The following DLGAP4 variants were observed in gnomAD, a reference collection of about 807,000 sequenced individuals.
DLGAP4 encodes the protein disks large-associated protein 4.
A neutral mutation model predicts 86.9 loss-of-function variants in DLGAP4; 18 were observed. The observed-to-expected ratio is 0.21, with a 90% CI of 0.14 to 0.31. The LOEUF (loss-of-function observed/expected upper bound fraction) is 0.31, where lower values mean the gene tolerates loss of function less well. DLGAP4 is among the 10% of genes least tolerant of loss of function. DLGAP4 has a pLI of 1.00. For synonymous variants in DLGAP4, 548 were observed against 574.3 expected (o/e 0.95, Z 0.65); for missense variants, 1,085 against 1,362.6 (o/e 0.80, Z 3.21).
chr20:36,306,982 A>T lies in DLGAP4; in HGVS notation c.-304+470A>T, dbSNP rs1246529967. Among the ~76,000 whole-genome samples, 1 of 152,076 alleles carries T rather than the reference A, an allele frequency of 6.6e-6. No individual in the cohort carries two copies. Among genetic ancestry groups the T allele is most frequent in the African/African-American group, 2.4e-5 (1 of 41,484 alleles). On this transcript the variant is annotated intron_variant, in intron 1 of 12. Coordinates refer to ENST00000339266, the MANE Select transcript of DLGAP4 (RefSeq NM_001365621.2). The surrounding 1 kb of genome is among the most constrained non-coding windows in gnomAD (Gnocchi z 4.9). The stretch of plus-strand genomic sequence containing the variant: ...CCTTGGCGCTTGGGAGAGCAGGGCT[A>T]TGCCGGCCCGGGCATTCCTCCATTC...
intron 7 of DLGAP4, among the ~76,000 whole-genome samples, chr20:36,494,984 GTTTTTTTTTTTTTT>G (rs752411826): frequency 5.3e-5 from 4 of 75,392 alleles, no homozygotes; most frequent in Admixed American, 2.1e-4. Context: ...TTTTTGTTCG[GTTTTTTTTTTTTTT>G]TTTTTTTTTT....
At chr20:36,457,273 C>T (rs1166873690) in intron 7 of DLGAP4, among the ~76,000 whole-genome samples, 2 of 151,674 alleles carry the variant, frequency 1.3e-5, no homozygotes, top group South Asian at 4.2e-4. Flanking sequence ...GGCTGGCGTG[C>T]AGTAGCGAGA....
intron 10 of DLGAP4, among the ~76,000 whole-genome samples, chr20:36,507,351 C>CTGAG (rs1182256667): frequency 6.6e-6 from 1 of 152,176 alleles, no homozygotes; most frequent in Non-Finnish European, 1.5e-5. Flanking sequence ...CCTCAGCCTC[C>CTGAG]TGAGTAGCTG....
intron 8 of DLGAP4, chr20:36,499,345 C>T (rs368601239): frequency 1.1e-5 from 17 of 1,608,878 alleles, no homozygotes; most frequent in Non-Finnish European, 1.4e-5. Flanking sequence ...GTCATCTCCA[C>T]CCCATCCCAC....
chr20:36,460,027 A>G (rs1368542568), intron 7 of DLGAP4, among the ~76,000 whole-genome samples: 1 of 152,238 alleles, frequency 6.6e-6, no homozygotes, highest in Non-Finnish European at 1.5e-5. Flanking sequence ...AGGGCTGGTG[A>G]GTCCCAGAGA....
At chr20:36,317,184 TTCCTTCCTTCCTTCCC>T (rs1358097550) in intron 1 of DLGAP4, among the ~76,000 whole-genome samples, 1 of 151,844 alleles carries the variant, frequency 6.6e-6, no homozygotes, top group South Asian at 2.1e-4. Context: ...TTCCTTTCTT[TTCCTTCCTTCCTTCCC>T]TCCTTCCTTC....
chr20:36,479,798 G>A (rs1028753477), intron 7 of DLGAP4, among the ~76,000 whole-genome samples: 1 of 152,140 alleles, frequency 6.6e-6, no homozygotes, highest in Non-Finnish European at 1.5e-5. Flanking sequence ...GGATGGTTGG[G>A]GGTGCTGGGC....
chr20:36,450,743 C>A lies in DLGAP4; in HGVS notation c.1648+3806C>A, dbSNP rs564264786. Among the ~76,000 whole-genome samples the A allele has an allele frequency of 3.3e-5, 5 of 152,284 alleles. No homozygotes were observed. In the East Asian group the frequency reaches 9.6e-4, roughly 29 times the overall value. On this transcript the variant is annotated intron_variant, in intron 7 of 12. Transcript: ENST00000339266. ...ACCCTACAGTCTAACCCTCCCCAAC[C>A]ACACAGCATACACTGGTGAAACAGG...
intron 4 of DLGAP4, among the ~76,000 whole-genome samples, chr20:36,438,816 C>T (rs2033363554): frequency 6.8e-6 from 1 of 148,040 alleles, no homozygotes; most frequent in South Asian, 2.2e-4. Context: ...TCAAGCAATT[C>T]TCCTGCCTCA....
chr20:36,431,559 A>G lies in DLGAP4; in HGVS notation c.-72-87A>G. On this transcript the variant is annotated intron_variant, in intron 2 of 12. Coordinates refer to ENST00000339266, the MANE Select transcript of DLGAP4 (RefSeq NM_001365621.2). The surrounding 1 kb of genome is among the most constrained non-coding windows in gnomAD (Gnocchi z 5.1). ...GAGGACTGGCTTCAGAGATCCTCCC[A>G]GCCTTGCGATCTGGATCTGACCTTC... 1 of 791,594 alleles carries G rather than the reference A, an allele frequency of 1.3e-6. No individual in the cohort carries two copies. The highest frequency in any genetic ancestry group is 1.9e-6 in the Non-Finnish European group (1 of 515,268). The allele number at this position is 791,594 out of a possible 1,614,324, so 49.0% of individuals were successfully genotyped here. A position where few individuals can be genotyped will look rare whatever the true frequency, so the allele number is the denominator to read the frequency against.
At chr20:36,468,446 C>A (rs2034514918) in intron 7 of DLGAP4, among the ~76,000 whole-genome samples, 1 of 152,262 alleles carries the variant, frequency 6.6e-6, no homozygotes, top group African/African-American at 2.4e-5. Flanking sequence ...AGTGCTTACA[C>A]AGTGGCTACC....
rs548123586 is a variant in DLGAP4, at chr20:36,365,860, C to T, written c.-303-1185C>T. 3.3e-5 allele frequency among the ~76,000 whole-genome samples: 5 copies of T among 152,314 alleles called. 1 individual carries two copies. In the South Asian group the frequency reaches 1.0e-3, roughly 32 times the overall value. Reference sequence around the variant, plus strand: ...AGAGCCCCCTAGACCTGGACCTCTCCTCTCAGGGCTCAGACGTGGAAAGCC... The same window carrying T: ...AGAGCCCCCTAGACCTGGACCTCTCTTCTCAGGGCTCAGACGTGGAAAGCC... On this transcript the variant is annotated intron_variant, in intron 1 of 12. Transcript: ENST00000339266.
At chr20:36,525,809 C>A (rs749425617) in intron 11 of DLGAP4, 42 bp from the exon 12 acceptor site, 7 of 1,607,090 alleles carry the variant, frequency 4.4e-6, no homozygotes, top group Non-Finnish European at 5.9e-6. Flanking sequence ...GCAGGACAAG[C>A]CTCTGCTGAG....
chr20:36,310,653 C>T (rs1388429063), intron 1 of DLGAP4, among the ~76,000 whole-genome samples: 2 of 152,184 alleles, frequency 1.3e-5, no homozygotes, highest in African/African-American at 4.8e-5. Context: ...CAAGGCTGCA[C>T]AGCTGGTGAG....
At chr20:36,396,389 ATGC>A (rs1569484603) in intron 2 of DLGAP4, among the ~76,000 whole-genome samples, 33 of 5,696 alleles carry the variant, frequency 5.8e-3, no homozygotes, top group Middle Eastern at 0.083. Flanking sequence ...ACATACACAC[ATGC>A]CACATACACA....
At chr20:36,405,120 C>T (rs576821700) in intron 2 of DLGAP4, among the ~76,000 whole-genome samples, 1 of 152,282 alleles carries the variant, frequency 6.6e-6, no homozygotes, top group South Asian at 2.1e-4. Flanking sequence ...TGGGCAAGGG[C>T]AGGTTGCCAA....
At chr20:36,376,904 G>A (rs1160572613) in intron 2 of DLGAP4, among the ~76,000 whole-genome samples, 1 of 152,212 alleles carries the variant, frequency 6.6e-6, no homozygotes. Flanking sequence ...GGTTCTCCAC[G>A]GTGCCTGGCA....
At chr20:36,445,562 C>T (rs2033570101) in intron 6 of DLGAP4, among the ~76,000 whole-genome samples, 1 of 152,222 alleles carries the variant, frequency 6.6e-6, no homozygotes, top group Admixed American at 6.5e-5. Context: ...ATTGGGTGAA[C>T]ACCCATCTAG....
At chr20:36,506,737 T>G (rs2036395447) in intron 10 of DLGAP4, among the ~76,000 whole-genome samples, 1 of 152,216 alleles carries the variant, frequency 6.6e-6, no homozygotes, top group Non-Finnish European at 1.5e-5. Context: ...TTCACACTGT[T>G]GTATAACCAT....
Sources: allele counts gnomAD v4.1 joint callset (sites outside exome capture counted in the v4.1 genomes callset), GRCh38; gene constraint gnomAD v4.1.1; non-coding constraint Gnocchi (gnomAD v3.1); transcripts MANE v1.5; gene names NCBI Gene and HGNC (gene_info 2026-07-23, HGNC 2026-07-21).